The following ADAMTS14 variants were observed in gnomAD, a reference collection of about 807,000 sequenced individuals.
ADAMTS14 encodes A disintegrin and metalloproteinase with thrombospondin motifs 14.
ADAMTS14 carries 100 observed loss-of-function variants against 128.6 expected under a neutral mutation model. That is an observed-to-expected ratio of 0.78 (90% CI 0.66 to 0.92). ADAMTS14 has a LOEUF of 0.92. ADAMTS14 is among the 40% of genes least tolerant of loss of function. The pLI is 0.00. For missense variants in ADAMTS14, 1,562 were observed against 1,658.6 expected (o/e 0.94, Z 1.01); for synonymous variants, 665 against 653.8 (o/e 1.02, Z -0.26).
chr10:70,714,726 T>A (rs1840971844), intron 4 of ADAMTS14, among the ~76,000 whole-genome samples: 1 of 151,974 alleles, frequency 6.6e-6, no homozygotes, highest in African/African-American at 2.4e-5. Context: ...GGCAGGTGTA[T>A]CACCTAAGGT....
At chr10:70,717,931 C>T (rs1366178925) in intron 4 of ADAMTS14, among the ~76,000 whole-genome samples, 1 of 152,202 alleles carries the variant, frequency 6.6e-6, no homozygotes, top group Non-Finnish European at 1.5e-5. Context: ...CCAGCTCTGA[C>T]CTGCCTCAGA....
At chr10:70,731,032 A>T (rs1841618471) in intron 6 of ADAMTS14, among the ~76,000 whole-genome samples, 1 of 150,972 alleles carries the variant, frequency 6.6e-6, no homozygotes, top group South Asian at 2.1e-4. Flanking sequence ...TTCTTGTCTG[A>T]ATGACTGAAG....
intron 2 of ADAMTS14, among the ~76,000 whole-genome samples, chr10:70,690,633 G>A (rs1840156549): frequency 6.9e-6 from 1 of 145,386 alleles, no homozygotes; most frequent in Admixed American, 6.8e-5. Context: ...GACCCACTGG[G>A]CCAGGCTGCT....
At chr10:70,709,337 C>T (rs1252492016) in intron 4 of ADAMTS14, among the ~76,000 whole-genome samples, 1 of 152,124 alleles carries the variant, frequency 6.6e-6, no homozygotes, top group Non-Finnish European at 1.5e-5. Context: ...AGAGCCCGTG[C>T]CCTTAGCTGC....
intron 15 of ADAMTS14, among the ~76,000 whole-genome samples, chr10:70,745,987 C>T (rs536021810): frequency 6.6e-5 from 10 of 152,280 alleles, no homozygotes; most frequent in Admixed American, 2.0e-4. Flanking sequence ...TGTTTTCTAG[C>T]GTCCCATTAG....
At chr10:70,708,364 C>T (rs1840728986) in intron 3 of ADAMTS14, among the ~76,000 whole-genome samples, 1 of 152,166 alleles carries the variant, frequency 6.6e-6, no homozygotes, top group African/African-American at 2.4e-5. Context: ...CCAGTTCTCA[C>T]CCCTTTGCTA....
At position 70,751,564 on chromosome 10, in the gene ADAMTS14, C is replaced by G; in HGVS notation, c.2514C>G (p.Ser838Arg). 6.2e-7 allele frequency: 1 copy of G among 1,613,888 alleles called. No individual in the cohort carries two copies. Among genetic ancestry groups the G allele is most frequent in the Non-Finnish European group, 8.5e-7 (1 of 1,179,814 alleles). The change falls in exon 17 of 22, where the codon AGC becomes AGG. Residue 838 changes from serine (S) to arginine (R), a missense_variant. Physicochemically the swap from Ser to Arg is moderately radical, Grantham distance 110. Transcript: ENST00000373207. ...AGGACCTGCTGCCCCTTATCGGGAG[C>G]AACAATGTGCTCCTGGAGGAGATGG... ...IHEDLLPLIG[S>R]NNVLLEEMDT...
chr10:70,675,122 G>A (rs1839606580), intron 2 of ADAMTS14, 127 bp downstream of exon 2: 21 of 1,174,188 alleles, frequency 1.8e-5, no homozygotes, highest in Non-Finnish European at 2.5e-5. Flanking sequence ...CTTCCAGAGG[G>A]AGTGCCGCCT....
At chr10:70,749,124 G>A (rs1842269970) in intron 15 of ADAMTS14, among the ~76,000 whole-genome samples, 1 of 152,196 alleles carries the variant, frequency 6.6e-6, no homozygotes, top group South Asian at 2.1e-4. Flanking sequence ...GCTGGGAGAG[G>A]TGTGGCATCT....
chr10:70,734,095 A>C, intron 8 of ADAMTS14, 67 bp downstream of exon 8: 1 of 1,565,742 alleles, frequency 6.4e-7, no homozygotes, highest in Non-Finnish European at 8.7e-7. Flanking sequence ...AGCAGACATC[A>C]CACAGCTGGC....
chr10:70,693,923 T>G (rs1405980231), intron 2 of ADAMTS14, among the ~76,000 whole-genome samples: 1 of 152,222 alleles, frequency 6.6e-6, no homozygotes, highest in Non-Finnish European at 1.5e-5. Context: ...TGGGGTGCCG[T>G]GCAGATGTAC....
intron 2 of ADAMTS14, among the ~76,000 whole-genome samples, chr10:70,677,261 G>T (rs952331571): frequency 6.6e-6 from 1 of 152,150 alleles, no homozygotes; most frequent in African/African-American, 2.4e-5. Flanking sequence ...GATGGTGGAG[G>T]TGGGGCTGTT....
chr10:70,692,651 C>A (rs1832622566), intron 2 of ADAMTS14, among the ~76,000 whole-genome samples: 1 of 152,162 alleles, frequency 6.6e-6, no homozygotes, highest in Admixed American at 6.5e-5. Context: ...TTAGAAAATA[C>A]CTAAAAGTTT....
intron 4 of ADAMTS14, among the ~76,000 whole-genome samples, chr10:70,727,169 C>T (rs999843079): frequency 1.3e-5 from 2 of 152,220 alleles, no homozygotes; most frequent in Admixed American, 1.3e-4. Context: ...GTGATGCACG[C>T]GGCTTCTGCT....
At chr10:70,718,479 G>A (rs1229624993) in intron 4 of ADAMTS14, among the ~76,000 whole-genome samples, 2 of 150,512 alleles carry the variant, frequency 1.3e-5, no homozygotes, top group African/African-American at 2.5e-5. Flanking sequence ...CCTCCGTCTC[G>A]CAGGTTCAAG....
chr10:70,709,898 C>A (rs1327463974), intron 4 of ADAMTS14, among the ~76,000 whole-genome samples: 1 of 152,164 alleles, frequency 6.6e-6, no homozygotes, highest in African/African-American at 2.4e-5. Flanking sequence ...CATCCCTGGG[C>A]TAAAGGGGCA....
At chr10:70,724,142 G>T (rs1295507772) in intron 4 of ADAMTS14, among the ~76,000 whole-genome samples, 1 of 152,198 alleles carries the variant, frequency 6.6e-6, no homozygotes, top group East Asian at 1.9e-4. Flanking sequence ...ATCTTCTCTT[G>T]TGCTGCCTTT....
At chr10:70,703,885 G>C (rs771579633) in intron 3 of ADAMTS14, among the ~76,000 whole-genome samples, 1 of 152,218 alleles carries the variant, frequency 6.6e-6, no homozygotes, top group Admixed American at 6.5e-5. Context: ...GTCCATCTAC[G>C]GGCCTTCCTT....
intron 2 of ADAMTS14, among the ~76,000 whole-genome samples, chr10:70,677,631 C>G (rs1445445517): frequency 6.6e-6 from 1 of 152,128 alleles, no homozygotes; most frequent in African/African-American, 2.4e-5. Context: ...CAGGCTGGAC[C>G]ACAACATGTA....
Sources: allele counts gnomAD v4.1 joint callset (sites outside exome capture counted in the v4.1 genomes callset), GRCh38; gene constraint gnomAD v4.1.1; transcripts MANE v1.5; gene names NCBI Gene and HGNC (gene_info 2026-07-23, HGNC 2026-07-21).